The following CTNNA2 variants were observed in gnomAD, a reference collection of about 807,000 sequenced individuals.
CTNNA2 encodes catenin alpha-2.
In CTNNA2, 42 loss-of-function variants were observed where a neutral mutation model predicts 101.0. The ratio of observed to expected loss-of-function variants is 0.42; its 90% CI spans 0.32 to 0.54. CTNNA2 has a LOEUF of 0.54. CTNNA2 is among the 20% of genes least tolerant of loss of function. The pLI is 0.14. For missense variants in CTNNA2, 871 were observed against 1,223.1 expected, an observed-to-expected ratio of 0.71 and a Z score of 4.29; for synonymous variants, 450 against 456.4, an observed-to-expected ratio of 0.99 and a Z score of 0.18.
At chr2:79,769,071 G>T (rs1246346192) in intron 3 of CTNNA2, among the ~76,000 whole-genome samples, 1 of 152,108 alleles carries the variant, frequency 6.6e-6, no homozygotes, top group African/African-American at 2.4e-5. Flanking sequence ...TAGCCAGGAT[G>T]GTCTCGATCT....
chr2:79,630,846 C>T (rs1316573404), intron 1 of CTNNA2, among the ~76,000 whole-genome samples: 3 of 150,238 alleles, frequency 2.0e-5, no homozygotes, highest in Non-Finnish European at 2.9e-5. Context: ...CCAACACAGA[C>T]GTTTTTTGGA....
intron 9 of CTNNA2, among the ~76,000 whole-genome samples, chr2:80,460,564 C>T (rs572433681): frequency 1.3e-5 from 2 of 152,072 alleles, no homozygotes; most frequent in African/African-American, 4.8e-5. Flanking sequence ...TTCTTTCCCT[C>T]CCTATCACAC....
intron 2 of CTNNA2, among the ~76,000 whole-genome samples, chr2:79,219,710 C>T (rs536361990): frequency 1.3e-5 from 2 of 152,304 alleles, no homozygotes; most frequent in South Asian, 4.1e-4. Flanking sequence ...TATAAAGTAT[C>T]TGCAAGCTTA....
At chr2:80,291,525 C>G (rs1675238890) in intron 7 of CTNNA2, among the ~76,000 whole-genome samples, 1 of 152,188 alleles carries the variant, frequency 6.6e-6, no homozygotes. Flanking sequence ...GAGCAGCATC[C>G]AACTATGGCT....
Position 79,285,423 on chromosome 2 carries a change from G to C in CTNNA2, c.-405-27286G>C, listed in dbSNP as rs1016218146. Among the ~76,000 whole-genome samples, 4 of 148,346 alleles carry C rather than the reference G, an allele frequency of 2.7e-5. No individual in the cohort carries two copies. The East Asian group carries it at 8.0e-4, about 30-fold the overall frequency. On this transcript the variant is annotated intron_variant, in intron 2 of 21. Coordinates refer to the CTNNA2 transcript ENST00000466387. ...TAAATTTCCCTCTACACACTGCTTT[G>C]AATGCGTCCCAGAGATTCTGGTATG... is the stretch of plus-strand genomic sequence containing the variant.
intron 7 of CTNNA2, among the ~76,000 whole-genome samples, chr2:79,935,234 T>C (rs1354156994): frequency 6.6e-6 from 1 of 152,152 alleles, no homozygotes; most frequent in African/African-American, 2.4e-5. Context: ...GTCTTTGTTT[T>C]ATAGATGAGG....
At chr2:80,015,228 A>T (rs1031501182) in intron 7 of CTNNA2, among the ~76,000 whole-genome samples, 11 of 152,128 alleles carry the variant, frequency 7.2e-5, no homozygotes, top group African/African-American at 2.4e-4. Context: ...TGCTGCTCTG[A>T]TAATCACATA....
chr2:80,077,069 TAG>T (rs1434352693), intron 7 of CTNNA2, among the ~76,000 whole-genome samples: 20 of 151,908 alleles, frequency 1.3e-4, no homozygotes, highest in African/African-American at 4.8e-4. Context: ...AAACAAAAGT[TAG>T]AGACTCACTA....
In CTNNA2 at chr2:79,340,797, G is replaced by A. The variant is rs184293979; in HGVS notation, c.-318+28001G>A. 4.1e-3 allele frequency among the ~76,000 whole-genome samples: 499 copies of A among 122,694 alleles called. 1 individual carries two copies. Among genetic ancestry groups the A allele is most frequent in the Non-Finnish European group, 6.1e-3 (390 of 63,900 alleles). The allele number at this position is 122,694 out of a possible 152,430, so 80.5% of individuals were successfully genotyped here. A position where few individuals can be genotyped will look rare whatever the true frequency, so the allele number is the denominator to read the frequency against. On this transcript the variant is annotated intron_variant, in intron 3 of 21. Coordinates refer to the CTNNA2 transcript ENST00000466387. ...TGCAGTGAGCGGAGATCGCGCCACTGCACTCCAGCCTGGGCTACAGAGCGA... is the reference window on the plus strand; with the variant it reads ...TGCAGTGAGCGGAGATCGCGCCACTACACTCCAGCCTGGGCTACAGAGCGA...
intron 3 of CTNNA2, among the ~76,000 whole-genome samples, chr2:79,317,290 T>A (rs941695927): frequency 3.3e-5 from 5 of 152,052 alleles, no homozygotes; most frequent in African/African-American, 7.2e-5. Context: ...TCTTTTCATA[T>A]GGTTAGATTC....
chr2:80,580,710 T>TA (rs1287313864), intron 13 of CTNNA2, among the ~76,000 whole-genome samples: 2 of 152,150 alleles, frequency 1.3e-5, no homozygotes, highest in Non-Finnish European at 2.9e-5. Flanking sequence ...TGAATTGATT[T>TA]AAAAATCCTA....
chr2:80,511,164 C>T (rs1384195279), intron 9 of CTNNA2, among the ~76,000 whole-genome samples: 1 of 152,146 alleles, frequency 6.6e-6, no homozygotes, highest in Non-Finnish European at 1.5e-5. Flanking sequence ...CTTTTTATGC[C>T]TGCTGAACTA....
At chr2:79,654,195 C>G (rs1681452579) in intron 2 of CTNNA2, among the ~76,000 whole-genome samples, 2 of 152,270 alleles carry the variant, frequency 1.3e-5, no homozygotes, top group Non-Finnish European at 2.9e-5. Flanking sequence ...TTCTCATTAC[C>G]AATTCCAAAG....
intron 7 of CTNNA2, among the ~76,000 whole-genome samples, chr2:80,067,282 A>G (rs2148770265): frequency 6.6e-6 from 1 of 152,328 alleles, no homozygotes; most frequent in East Asian, 1.9e-4. Flanking sequence ...AATTAGCTTA[A>G]TTTAGCCATT....
At chr2:80,310,181 T>C (rs1186886272) in intron 7 of CTNNA2, among the ~76,000 whole-genome samples, 1 of 152,212 alleles carries the variant, frequency 6.6e-6, no homozygotes, top group African/African-American at 2.4e-5. Context: ...GTTAAGTGAT[T>C]GCCCACCCTT....
At chr2:79,636,920 T>G (rs1299395533) in intron 1 of CTNNA2, 1 of 152,198 alleles carries the variant, frequency 6.6e-6, no homozygotes, top group Non-Finnish European at 1.5e-5. Context: ...CATGATAATC[T>G]TCTCCACATC....
chr2:80,243,194 G>C (rs965191136), intron 7 of CTNNA2, among the ~76,000 whole-genome samples: 1 of 152,176 alleles, frequency 6.6e-6, no homozygotes, highest in Non-Finnish European at 1.5e-5. Context: ...TCATCCCACA[G>C]ACACTAAGGG....
intron 9 of CTNNA2, among the ~76,000 whole-genome samples, chr2:80,528,146 G>T (rs1690198378): frequency 6.6e-6 from 1 of 152,176 alleles, no homozygotes; most frequent in African/African-American, 2.4e-5. Flanking sequence ...ATGAGAGTTT[G>T]TTTGGAATAG....
At chr2:79,261,795 A>T (rs1324365052) in intron 2 of CTNNA2, among the ~76,000 whole-genome samples, 1 of 152,244 alleles carries the variant, frequency 6.6e-6, no homozygotes, top group Non-Finnish European at 1.5e-5. Context: ...ATAAATTTAC[A>T]AGTAACACAA....
Sources: allele counts gnomAD v4.1 joint callset (sites outside exome capture counted in the v4.1 genomes callset), GRCh38; gene constraint gnomAD v4.1.1; transcripts MANE v1.5; gene names NCBI Gene and HGNC (gene_info 2026-07-23, HGNC 2026-07-21).